Variants in RYR2 observed in about 807,000 individuals in gnomAD.
RYR2 encodes the protein ryanodine receptor 2.
RYR2 carries 227 observed loss-of-function variants against 601.1 expected under a neutral mutation model. The ratio of observed to expected loss-of-function variants is 0.38; its 90% CI spans 0.34 to 0.42. The LOEUF is 0.42. RYR2 is among the 10% of genes least tolerant of loss of function. The probability of loss-of-function intolerance (pLI) is 1.00; values close to 1 mark genes in which losing one functional copy is unlikely to be tolerated. For synonymous variants in RYR2, 2,223 were observed against 2,175.1 expected, an observed-to-expected ratio of 1.02 and a Z score of -0.61; for missense variants, 4,646 against 6,156.5, an observed-to-expected ratio of 0.75 and a Z score of 8.21.
At chr1:237,372,106 A>G (rs1700690398) in intron 6 of RYR2, among the ~76,000 whole-genome samples, 1 of 152,202 alleles carries the variant, frequency 6.6e-6, no homozygotes, top group Admixed American at 6.5e-5. Flanking sequence ...CAAATTTTCA[A>G]TCTCAATCAT....
chr1:237,591,642 G>A (rs1226383750), intron 31 of RYR2, 97 bp from the exon 32 acceptor site: 32 of 983,410 alleles, frequency 3.3e-5, no homozygotes, highest in Middle Eastern at 2.1e-4. Flanking sequence ...GAGCAAAATC[G>A]CCCAGGTTTA....
chr1:237,355,948 G>C lies in RYR2; in HGVS notation c.274-17G>C, dbSNP rs1223313276. On this transcript the variant is annotated splice_polypyrimidine_tract_variant and intron_variant, in intron 3 of 104. Coordinates refer to ENST00000366574, the MANE Select transcript of RYR2 (RefSeq NM_001035.3). ...ATTTGTTTGTTTGTTATTTATTTTG[G>C]CTTTTTCTTTCCACAGCAAGTTGAT... 1 of 1,594,292 alleles carries C rather than the reference G, an allele frequency of 6.3e-7. No individual in the cohort carries two copies. The highest frequency in any genetic ancestry group is 1.3e-5 in the African/African-American group (1 of 74,638).
rs536625505 is a variant in RYR2, at chr1:237,296,054, C to G, written c.168+25438C>G. ...TGTAGAAGGCCTCTTTGCTGGATAG[C>G]CAGAAGGAACCAGTCATTGGATGCT... On this transcript the variant is annotated intron_variant, in intron 2 of 104. Coordinates refer to ENST00000366574, the MANE Select transcript of RYR2 (RefSeq NM_001035.3). 5.8e-3 allele frequency among the ~76,000 whole-genome samples: 880 copies of G among 152,222 alleles called. 5 individuals carry two copies. Among genetic ancestry groups the G allele is most frequent in the Non-Finnish European group, 8.4e-3 (573 of 68,014 alleles).
At chr1:237,227,365 CTT>C (rs1684482788) in intron 1 of RYR2, among the ~76,000 whole-genome samples, 1 of 152,088 alleles carries the variant, frequency 6.6e-6, no homozygotes, top group Admixed American at 6.5e-5. Flanking sequence ...TGAAGTATGT[CTT>C]TGTCGTGAAA....
chr1:237,469,190 A>G lies in RYR2; in HGVS notation c.1708+3A>G, dbSNP rs1277819219. On this transcript the variant is annotated splice_donor_region_variant and intron_variant, in intron 17 of 104. Transcript: ENST00000366574. ...GGAAAGACTGGAAGCTTCTTCAGGTATGTTTTCTAGTTTTTTCCTTGTTGT... is the reference window on the plus strand; with the variant it reads ...GGAAAGACTGGAAGCTTCTTCAGGTGTGTTTTCTAGTTTTTTCCTTGTTGT... 1.5e-6 allele frequency: 2 copies of G among 1,367,512 alleles called. No homozygotes were observed. The highest frequency in any genetic ancestry group is 1.4e-5 in the South Asian group (1 of 71,438). The allele number at this position is 1,367,512 out of a possible 1,614,324, so 84.7% of individuals were successfully genotyped here. A position where few individuals can be genotyped will look rare whatever the true frequency, so the allele number is the denominator to read the frequency against.
intron 84 of RYR2, among the ~76,000 whole-genome samples, chr1:237,767,883 G>A (rs902441041): frequency 5.9e-5 from 9 of 152,046 alleles, no homozygotes; most frequent in Admixed American, 4.6e-4. Context: ...CTATGGCAGC[G>A]GGGTGCTTTA....
intron 10 of RYR2, among the ~76,000 whole-genome samples, chr1:237,408,859 G>T (rs1437527626): frequency 6.6e-6 from 1 of 152,088 alleles, no homozygotes; most frequent in Non-Finnish European, 1.5e-5. Context: ...TTTTAAATCA[G>T]AATTTTGTAG....
intron 2 of RYR2, among the ~76,000 whole-genome samples, chr1:237,318,269 ACT>A (rs1201540829): frequency 6.6e-6 from 1 of 151,472 alleles, no homozygotes; most frequent in Non-Finnish European, 1.5e-5. Context: ...CTTCCTTCAT[ACT>A]CTTTTTTTGT....
At chr1:237,466,891 T>C (rs2150289367) in intron 16 of RYR2, among the ~76,000 whole-genome samples, 2 of 151,876 alleles carry the variant, frequency 1.3e-5, no homozygotes, top group East Asian at 3.9e-4. Context: ...AATTTTTATA[T>C]GCTTTGGTTT....
intron 4 of RYR2, among the ~76,000 whole-genome samples, chr1:237,360,693 A>G (rs1439879566): frequency 6.6e-6 from 1 of 152,174 alleles, no homozygotes; most frequent in Non-Finnish European, 1.5e-5. Flanking sequence ...AGTGATGGTC[A>G]TTAATATGAG....
At chr1:237,054,566 T>C (rs1285984905) in intron 1 of RYR2, among the ~76,000 whole-genome samples, 2 of 152,252 alleles carry the variant, frequency 1.3e-5, no homozygotes, top group Middle Eastern at 3.4e-3. Context: ...CAGTTGTAGA[T>C]ACCGAGTGGG....
intron 1 of RYR2, among the ~76,000 whole-genome samples, chr1:237,176,295 A>T (rs28492002): frequency 2.1e-5 from 3 of 141,632 alleles, no homozygotes; most frequent in African/African-American, 5.6e-5. Context: ...ATAATATATA[A>T]ATATATATTT....
At chr1:237,755,362 G>A (rs1330176057) in intron 80 of RYR2, among the ~76,000 whole-genome samples, 1 of 152,090 alleles carries the variant, frequency 6.6e-6, no homozygotes, top group African/African-American at 2.4e-5. Flanking sequence ...CTGCTCTTAG[G>A]TCATATATGT....
chr1:237,731,829 A>G (rs997745197), intron 77 of RYR2, among the ~76,000 whole-genome samples: 1 of 152,002 alleles, frequency 6.6e-6, no homozygotes, highest in African/African-American at 2.4e-5. Flanking sequence ...ACATATACAT[A>G]CAAGCTTTTA....
intron 25 of RYR2, among the ~76,000 whole-genome samples, chr1:237,536,412 A>C (rs898722067): frequency 5.9e-5 from 9 of 151,874 alleles, no homozygotes; most frequent in Non-Finnish European, 1.3e-4. Context: ...TCTACTAAAA[A>C]ATACAAAAAA....
chr1:237,374,538 G>C (rs994998071), intron 6 of RYR2, among the ~76,000 whole-genome samples, 179 bp from the exon 7 acceptor site: 2 of 152,096 alleles, frequency 1.3e-5, no homozygotes, highest in Non-Finnish European at 2.9e-5. Context: ...TGTGCCTGTA[G>C]TCCCAGCTGC....
intron 27 of RYR2, among the ~76,000 whole-genome samples, chr1:237,563,573 A>G (rs1033082590): frequency 6.6e-6 from 1 of 152,094 alleles, no homozygotes; most frequent in Non-Finnish European, 1.5e-5. Context: ...AGAATAGCAT[A>G]GCATTAGGGC....
chr1:237,091,295 TTCTC>T (rs1478820255), intron 1 of RYR2, among the ~76,000 whole-genome samples: 1 of 152,184 alleles, frequency 6.6e-6, no homozygotes, highest in Non-Finnish European at 1.5e-5. Context: ...GATGGAAACT[TTCTC>T]TTGTAACCTG....
At chr1:237,065,782 C>T (rs1406367488) in intron 1 of RYR2, among the ~76,000 whole-genome samples, 7 of 152,166 alleles carry the variant, frequency 4.6e-5, no homozygotes, top group Admixed American at 2.0e-4. Flanking sequence ...CTCATGGTTC[C>T]ACAGGCTATA....
Sources: allele counts gnomAD v4.1 joint callset (sites outside exome capture counted in the v4.1 genomes callset), GRCh38; gene constraint gnomAD v4.1.1; transcripts MANE v1.5; gene names NCBI Gene and HGNC (gene_info 2026-07-23, HGNC 2026-07-21).